PCSK5: variants seen among roughly 807,000 people sequenced by gnomAD.
PCSK5 encodes proprotein convertase subtilisin/kexin type 5, also known as prohormone convertase 5.
A neutral mutation model predicts 233.2 loss-of-function variants in PCSK5; 129 were observed. The ratio of observed to expected loss-of-function variants is 0.55; its 90% confidence interval spans 0.48 to 0.64. The LOEUF (loss-of-function observed/expected upper bound fraction) is 0.64. Ranked by LOEUF, PCSK5 falls within the 30% of genes least tolerant of loss-of-function variation. The pLI is 0.00. For synonymous variants in PCSK5, 825 were observed against 879.2 expected (o/e 0.94, Z 1.09); for missense variants, 2,076 against 2,430.1 (o/e 0.85, Z 3.06).
At chr9:76,161,870 A>G (rs1822874688) in intron 12 of PCSK5, among the ~76,000 whole-genome samples, 1 of 152,220 alleles carries the variant, frequency 6.6e-6, no homozygotes, top group South Asian at 2.1e-4. Flanking sequence ...GGCATTTCCG[A>G]CGTGCGGTGA....
chr9:76,051,372 G>GC (rs1412462295), intron 5 of PCSK5, among the ~76,000 whole-genome samples: 1 of 152,096 alleles, frequency 6.6e-6, no homozygotes, highest in Non-Finnish European at 1.5e-5. Context: ...TATGCCCCAG[G>GC]CCCCAGAAAT....
At chr9:76,130,939 C>G (rs929659938) in intron 9 of PCSK5, among the ~76,000 whole-genome samples, 1 of 152,098 alleles carries the variant, frequency 6.6e-6, no homozygotes, top group South Asian at 2.1e-4. Flanking sequence ...TAGTTGCTTG[C>G]TTCAAAGCTC....
At chr9:76,317,151 A>G (rs1829057242) in intron 30 of PCSK5, among the ~76,000 whole-genome samples, 1 of 152,168 alleles carries the variant, frequency 6.6e-6, no homozygotes. Flanking sequence ...ACTTGAGGTC[A>G]GGAGTTTGAG....
At chr9:75,984,229 G>A (rs1420271542) in intron 2 of PCSK5, among the ~76,000 whole-genome samples, 2 of 152,144 alleles carry the variant, frequency 1.3e-5, no homozygotes, top group Non-Finnish European at 2.9e-5. Context: ...TATTTCATTT[G>A]TCTATTTGAA....
intron 5 of PCSK5, among the ~76,000 whole-genome samples, chr9:76,036,707 A>G (rs183845643): frequency 2.0e-5 from 3 of 152,346 alleles, no homozygotes; most frequent in Admixed American, 2.0e-4. Flanking sequence ...AGAGAAGTCT[A>G]GAGAGGGTAA....
At position 76,198,104 on chromosome 9, in the gene PCSK5, G is replaced by A. The variant is rs79395928; in HGVS notation, c.2626+8358G>A. On this transcript the variant is annotated intron_variant, in intron 20 of 37. Transcript: ENST00000674117. ...TTATGCAGCCTCACTACGTTTCAGC[G>A]GACCAGAATGTGACCTGGGATGGCC... Among the ~76,000 whole-genome samples the A allele has an allele frequency of 1.6e-4, 25 of 152,266 alleles. 1 individual carries two copies. The East Asian group carries it at 4.8e-3, about 29-fold the overall frequency.
intron 33 of PCSK5, among the ~76,000 whole-genome samples, chr9:76,329,110 C>T (rs1466827467): frequency 3.3e-5 from 5 of 150,292 alleles, no homozygotes; most frequent in South Asian, 2.1e-4. Context: ...TGAGCCACTG[C>T]GCCCGGCCAC....
chr9:76,159,612 C>A (rs1304426168), intron 12 of PCSK5, among the ~76,000 whole-genome samples: 5 of 152,134 alleles, frequency 3.3e-5, no homozygotes, highest in Non-Finnish European at 7.4e-5. Flanking sequence ...CAGAGCCAGA[C>A]AATAAATGTG....
intron 10 of PCSK5, among the ~76,000 whole-genome samples, chr9:76,140,863 A>G (rs371397977): frequency 6.6e-6 from 1 of 152,122 alleles, no homozygotes; most frequent in African/African-American, 2.4e-5. Context: ...TACAGTGTAA[A>G]TCTGTGAGTT....
chr9:76,215,372 T>C (rs1398808578), intron 20 of PCSK5, among the ~76,000 whole-genome samples: 1 of 151,936 alleles, frequency 6.6e-6, no homozygotes, highest in African/African-American at 2.4e-5. Context: ...TAGAATCGAG[T>C]TTCCAGGGAA....
intron 13 of PCSK5, among the ~76,000 whole-genome samples, chr9:76,173,665 G>A (rs754660414): frequency 1.4e-4 from 21 of 151,734 alleles, no homozygotes; most frequent in African/African-American, 2.9e-4. Flanking sequence ...GTCTCAAGGC[G>A]TTCCTGCCCA....
At chr9:76,223,308 G>T (rs182384686) in intron 20 of PCSK5, among the ~76,000 whole-genome samples, 27 of 152,294 alleles carry the variant, frequency 1.8e-4, no homozygotes, top group African/African-American at 6.0e-4. Context: ...TTGTTCAGGA[G>T]AAATGAGGCT....
chr9:75,908,933 C>CTCTA (rs1470088143), intron 1 of PCSK5, among the ~76,000 whole-genome samples: 1,755 of 92,194 alleles, frequency 0.019, 8 homozygotes, highest in East Asian at 0.049. Flanking sequence ...CTCTCTATCT[C>CTCTA]TCTCTCTGTC....
intron 14 of PCSK5, among the ~76,000 whole-genome samples, chr9:76,177,584 A>C (rs1317085829): frequency 6.6e-6 from 1 of 152,226 alleles, no homozygotes; most frequent in Non-Finnish European, 1.5e-5. Flanking sequence ...TAGCATTGCT[A>C]TTTATATTTT....
chr9:76,168,840 C>T (rs975910755), intron 12 of PCSK5, among the ~76,000 whole-genome samples: 1 of 152,110 alleles, frequency 6.6e-6, no homozygotes, highest in African/African-American at 2.4e-5. Context: ...ATTCTATCAC[C>T]CTCAAAAATT....
chr9:75,897,920 G>A (rs1825878796), intron 1 of PCSK5, among the ~76,000 whole-genome samples: 1 of 152,076 alleles, frequency 6.6e-6, no homozygotes, highest in South Asian at 2.1e-4. Context: ...CCTTTTTCAG[G>A]TACAAGTGTC....
intron 26 of PCSK5, among the ~76,000 whole-genome samples, chr9:76,296,053 A>G (rs2131414109): frequency 6.6e-6 from 1 of 152,342 alleles, no homozygotes; most frequent in East Asian, 1.9e-4. Context: ...TGGCCAATGT[A>G]AATTCCCAGT....
chr9:75,916,577 G>A (rs542112446), intron 1 of PCSK5, among the ~76,000 whole-genome samples: 3 of 152,166 alleles, frequency 2.0e-5, no homozygotes, highest in East Asian at 3.9e-4. Context: ...TCCAAAAAAC[G>A]AGAAGGAAGT....
chr9:76,291,873 C>T (rs567156448), intron 24 of PCSK5, among the ~76,000 whole-genome samples: 6 of 152,294 alleles, frequency 3.9e-5, no homozygotes, highest in African/African-American at 1.4e-4. Context: ...CTTGTAGCCC[C>T]TTCCAAATAT....
Sources: gnomAD v4.1 joint callset for allele counts (sites outside exome capture counted in the v4.1 genomes callset) on GRCh38, gnomAD v4.1.1 for gene constraint, MANE v1.5 for transcripts, NCBI Gene and HGNC (gene_info 2026-07-23, HGNC 2026-07-21) for gene names.